LRP1B: variants seen among roughly 807,000 people sequenced by gnomAD.
LRP1B encodes the protein LDL receptor related protein 1B.
In LRP1B, 217 loss-of-function variants were observed where a neutral mutation model predicts 556.6. The ratio of observed to expected loss-of-function variants is 0.39; its 90% CI spans 0.35 to 0.44. The LOEUF (loss-of-function observed/expected upper bound fraction) is 0.44. Among genes scored for constraint, LRP1B ranks in the 20% least tolerant of loss-of-function variants. LRP1B has a pLI of 1.00. For synonymous variants in LRP1B, 2,047 were observed against 1,865.8 expected (o/e 1.10, Z -2.50); for missense variants, 5,053 against 5,620.8 (o/e 0.90, Z 3.23).
intron 1 of LRP1B, among the ~76,000 whole-genome samples, chr2:142,094,632 TAA>T (rs1337485949): frequency 6.6e-6 from 1 of 151,966 alleles, no homozygotes; most frequent in African/African-American, 2.4e-5. Flanking sequence ...ATTGAATTAA[TAA>T]AAGATTCAAT....
intron 3 of LRP1B, among the ~76,000 whole-genome samples, chr2:141,414,957 A>T (rs913184031): frequency 1.9e-4 from 29 of 152,142 alleles, no homozygotes; most frequent in Non-Finnish European, 4.1e-4. Context: ...TCTTGCTTGC[A>T]ATTCCTCCTT....
intron 41 of LRP1B, among the ~76,000 whole-genome samples, chr2:140,628,929 T>A (rs1476684118): frequency 6.6e-6 from 1 of 152,150 alleles, no homozygotes; most frequent in Non-Finnish European, 1.5e-5. Context: ...CCTTGCTTCC[T>A]CTTCACCTTC....
chr2:140,672,225 C>T (rs773856074), intron 41 of LRP1B, among the ~76,000 whole-genome samples: 5 of 152,180 alleles, frequency 3.3e-5, no homozygotes, highest in South Asian at 2.1e-4. Context: ...CAGTGGCTCA[C>T]GCCTGTAATC....
At chr2:140,873,056 A>G (rs183299960) in intron 25 of LRP1B, among the ~76,000 whole-genome samples, 1 of 152,260 alleles carries the variant, frequency 6.6e-6, no homozygotes, top group Non-Finnish European at 1.5e-5. Context: ...TCCAGTTTAC[A>G]TAACAAGTAA....
chr2:141,262,362 G>A (rs938003079), intron 3 of LRP1B, among the ~76,000 whole-genome samples: 8 of 151,488 alleles, frequency 5.3e-5, no homozygotes, highest in South Asian at 2.1e-4. Flanking sequence ...TTTGTATATC[G>A]TTTCTCCTAG....
At chr2:141,292,613 A>T (rs1216705689) in intron 3 of LRP1B, among the ~76,000 whole-genome samples, 1 of 152,194 alleles carries the variant, frequency 6.6e-6, no homozygotes, top group Non-Finnish European at 1.5e-5. Context: ...CTCTAATATG[A>T]TATGGGAAAA....
chr2:141,610,587 T>G (rs7606738), intron 2 of LRP1B, among the ~76,000 whole-genome samples: 8,088 of 152,200 alleles, frequency 0.053, 314 homozygotes, highest in African/African-American at 0.1. Context: ...AAGGTACCCC[T>G]CATGGGTACC....
intron 60 of LRP1B, among the ~76,000 whole-genome samples, chr2:140,473,246 A>G (rs938237762): frequency 5.9e-5 from 9 of 152,032 alleles, no homozygotes; most frequent in African/African-American, 1.7e-4. Flanking sequence ...TAAGGCACTT[A>G]ATGAATTTTT....
chr2:140,769,084 T>G (rs1559107716), intron 35 of LRP1B, 129 bp downstream of exon 35: 1 of 833,670 alleles, frequency 1.2e-6, no homozygotes. Context: ...GCCTTAATAT[T>G]TATCTATTTG....
intron 83 of LRP1B, among the ~76,000 whole-genome samples, chr2:140,306,635 G>GTTTTTTGTGCCT (rs1553443753): frequency 1.3e-3 from 202 of 151,242 alleles, no homozygotes; most frequent in African/African-American, 4.2e-3. Flanking sequence ...TTTTTTAAGG[G>GTTTTTTGTGCCT]TTTTTTGTGC....
chr2:141,153,586 ATT>A (rs1701992411), intron 7 of LRP1B, among the ~76,000 whole-genome samples: 1 of 136,246 alleles, frequency 7.3e-6, no homozygotes, highest in Non-Finnish European at 1.5e-5. Context: ...TATATTATAT[ATT>A]AGCTATATAT....
At chr2:141,744,319 A>T (rs1693834240) in intron 2 of LRP1B, among the ~76,000 whole-genome samples, 1 of 152,032 alleles carries the variant, frequency 6.6e-6, no homozygotes, top group Admixed American at 6.6e-5. Flanking sequence ...TCCTCTAGTT[A>T]TATTCCACTG....
chr2:141,602,926 G>A (rs1001329627), intron 2 of LRP1B, among the ~76,000 whole-genome samples: 3 of 152,114 alleles, frequency 2.0e-5, no homozygotes, highest in African/African-American at 7.2e-5. Context: ...TGAGAAACTT[G>A]TATGTAACAA....
At chr2:140,297,667 G>C in intron 84 of LRP1B, 141 bp downstream of exon 84, 1 of 871,272 alleles carries the variant, frequency 1.1e-6, no homozygotes, top group Non-Finnish European at 1.8e-6. Flanking sequence ...TGAAGAATGG[G>C]TAAATAATTG....
intron 3 of LRP1B, among the ~76,000 whole-genome samples, chr2:141,373,939 T>C (rs1257236812): frequency 6.6e-6 from 1 of 152,224 alleles, no homozygotes; most frequent in Non-Finnish European, 1.5e-5. Flanking sequence ...TGAGATTGTT[T>C]TATAAAACCT....
At chr2:141,489,442 A>C (rs536110178) in intron 2 of LRP1B, among the ~76,000 whole-genome samples, 1 of 152,140 alleles carries the variant, frequency 6.6e-6, no homozygotes, top group South Asian at 2.1e-4. Context: ...ATCTGTAATT[A>C]CCATAGCTGA....
intron 41 of LRP1B, among the ~76,000 whole-genome samples, chr2:140,614,547 G>A (rs1683192656): frequency 6.6e-6 from 1 of 152,062 alleles, no homozygotes; most frequent in African/African-American, 2.4e-5. Flanking sequence ...TTTGTCTGTT[G>A]AGAATAAGAG....
intron 14 of LRP1B, among the ~76,000 whole-genome samples, chr2:141,010,262 C>A (rs1319252128): frequency 6.6e-6 from 1 of 151,914 alleles, no homozygotes; most frequent in Non-Finnish European, 1.5e-5. Flanking sequence ...TGTTATTTTA[C>A]ACAATTGCTG....
At chr2:141,380,889 G>T (rs1381934762) in intron 3 of LRP1B, among the ~76,000 whole-genome samples, 1 of 152,102 alleles carries the variant, frequency 6.6e-6, no homozygotes, top group Non-Finnish European at 1.5e-5. Flanking sequence ...TAAGCTCAAA[G>T]GTGGGAGGCA....
Sources: allele counts gnomAD v4.1 joint callset (sites outside exome capture counted in the v4.1 genomes callset), GRCh38; gene constraint gnomAD v4.1.1; transcripts MANE v1.5; gene names NCBI Gene and HGNC (gene_info 2026-07-23, HGNC 2026-07-21).